Variants in AGAP4 observed in about 807,000 individuals in gnomAD.
AGAP4 encodes the protein ArfGAP with GTPase domain, ankyrin repeat and PH domain 4.
A neutral mutation model predicts 60.7 loss-of-function variants in AGAP4; 13 were observed. The ratio of observed to expected loss-of-function variants is 0.21; its 90% CI spans 0.14 to 0.34. AGAP4 has a LOEUF of 0.34. Ranked by LOEUF, AGAP4 falls within the 10% of genes least tolerant of loss-of-function variation. The probability of loss-of-function intolerance (pLI) is 1.00; values close to 1 mark genes in which losing one functional copy is unlikely to be tolerated. For missense variants in AGAP4, 169 were observed against 884.0 expected (o/e 0.19, Z 10.26); for synonymous variants, 70 against 339.0 (o/e 0.21, Z 8.72).
At chr10:45,854,610 G>A (rs1377088426), upstream of AGAP4, 1 of 136,860 alleles carries the variant, frequency 7.3e-6, no homozygotes, top group Non-Finnish European at 1.5e-5. Context: ...CTCCAGCATG[G>A]GCGACAGAGT....
upstream of AGAP4, chr10:45,849,019 A>T (rs1322084805): frequency 6.7e-6 from 1 of 149,434 alleles, no homozygotes; most frequent in African/African-American, 2.5e-5. Flanking sequence ...TGAGGTCAGG[A>T]GTTTGAGACC....
chr10:45,853,912 T>C, upstream of AGAP4: 1 of 1,186,054 alleles, frequency 8.4e-7, no homozygotes, highest in Non-Finnish European at 1.1e-6. Flanking sequence ...CAGGCAGCAG[T>C]AGTTGTTATC....
upstream of AGAP4, among the ~76,000 whole-genome samples, chr10:45,850,770 GC>G (rs1426369166): frequency 6.6e-6 from 1 of 151,970 alleles, no homozygotes; most frequent in Admixed American, 6.6e-5. Context: ...ATGTAGCAGT[GC>G]CTTCCTCCTG....
chr10:45,832,366 A>G (rs2058748041), intron 5 of AGAP4, among the ~76,000 whole-genome samples: 1 of 149,906 alleles, frequency 6.7e-6, no homozygotes, highest in African/African-American at 2.5e-5. Context: ...ACCAAATTGG[A>G]GCAGTTTCTC....
chr10:45,834,981 G>C (rs1366502528), intron 4 of AGAP4, among the ~76,000 whole-genome samples: 1 of 146,474 alleles, frequency 6.8e-6, no homozygotes, highest in Non-Finnish European at 1.5e-5. Context: ...CACCGTGTTA[G>C]CCAGGATGGT....
rs2058725965 is a variant in AGAP4 at position 45,831,141 on chromosome 10, T to TC, written c.533+252_533+253insG. Among the ~76,000 whole-genome samples, 3 of 100,618 alleles carry TC rather than the reference T, an allele frequency of 3.0e-5. 1 individual carries two copies. Among genetic ancestry groups the TC allele is most frequent in the Admixed American group, 8.8e-5 (1 of 11,342 alleles). 66.0% of individuals were successfully genotyped at this position (100,618 alleles called of 152,430 possible). A position where few individuals can be genotyped will look rare whatever the true frequency, so the allele number is the denominator to read the frequency against. On this transcript the variant is annotated intron_variant, in intron 6 of 7. Coordinates refer to ENST00000616763, the MANE Select transcript of AGAP4 (RefSeq NM_001276343.3). ...TGAAATCGAAACTAAAAATAGATTT[T>TC]GAAAAAATTTCAATTGTATAATTCT...
upstream of AGAP4, chr10:45,848,013 C>G (rs546771206): frequency 6.9e-5 from 69 of 1,003,580 alleles, 1 homozygote; most frequent in African/African-American, 1.1e-3. Flanking sequence ...GAGTTCTATA[C>G]AAAGCCTCAG....
At chr10:45,852,737 G>A (rs2135980422) in intron 1 of AGAP4, among the ~76,000 whole-genome samples, 1 of 152,104 alleles carries the variant, frequency 6.6e-6, no homozygotes, top group South Asian at 2.1e-4. Flanking sequence ...ATTCAAGAAA[G>A]CTCAGTTTCA....
chr10:45,839,978 G>C (rs879976515), intron 4 of AGAP4, among the ~76,000 whole-genome samples: 2 of 150,320 alleles, frequency 1.3e-5, no homozygotes, highest in South Asian at 4.2e-4. Flanking sequence ...CAATGCAGGC[G>C]TACTGGTCTA....
At chr10:45,841,104 A>AT (rs782328893) in intron 4 of AGAP4, among the ~76,000 whole-genome samples, 2,671 of 69,852 alleles carry the variant, frequency 0.038, 548 homozygotes, top group Middle Eastern at 0.051. Context: ...ATTTAAGGCA[A>AT]TTTTTTTTTT....
At chr10:45,852,866 A>C (rs1349662977) in intron 1 of AGAP4, among the ~76,000 whole-genome samples, 119 of 151,990 alleles carry the variant, frequency 7.8e-4, no homozygotes, top group Non-Finnish European at 1.4e-3. Flanking sequence ...ACTTGAGATG[A>C]TGTCTATTTA....
upstream of AGAP4, chr10:45,848,036 A>C (rs4042868): frequency 0.37 from 266,123 of 717,160 alleles, 80,842 homozygotes; most frequent in South Asian, 0.62. Flanking sequence ...GAGTGGGTCC[A>C]ATTAGCAACC....
chr10:45,852,873 T>C (rs1236407619), intron 1 of AGAP4, among the ~76,000 whole-genome samples: 1 of 151,830 alleles, frequency 6.6e-6, no homozygotes, highest in Non-Finnish European at 1.5e-5. Context: ...ATGATGTCTA[T>C]TTAAAGTTAC....
At chr10:45,830,072 G>C (rs2058706640) in intron 6 of AGAP4, among the ~76,000 whole-genome samples, 1 of 148,306 alleles carries the variant, frequency 6.7e-6, no homozygotes, top group African/African-American at 2.4e-5. Context: ...CACTTGTGAA[G>C]TTTTGATTTA....
At chr10:45,838,369 T>C (rs1436454279) in intron 4 of AGAP4, among the ~76,000 whole-genome samples, 4 of 151,996 alleles carry the variant, frequency 2.6e-5, no homozygotes, top group South Asian at 4.1e-4. Flanking sequence ...CGGGTGCACC[T>C]AAATCTCACA....
upstream of AGAP4, among the ~76,000 whole-genome samples, chr10:45,851,241 C>T (rs1375516089): frequency 0.011 from 1,638 of 152,038 alleles, 42 homozygotes; most frequent in African/African-American, 0.037. Flanking sequence ...GTGATTTGCA[C>T]GGCATTAAGT....
At chr10:45,828,657 T>TCCAGAA in intron 6 of AGAP4, among the ~76,000 whole-genome samples, 1 of 142,424 alleles carries the variant, frequency 7.0e-6, no homozygotes, top group South Asian at 2.4e-4. Context: ...GAAGACCCCT[T>TCCAGAA]CCAGAAGGCC....
intron 6 of AGAP4, among the ~76,000 whole-genome samples, chr10:45,830,235 A>C (rs2058709777): frequency 2.1e-5 from 3 of 142,430 alleles, no homozygotes; most frequent in Non-Finnish European, 4.6e-5. Flanking sequence ...TGCAATGGCG[A>C]GATCTCGGCT....
chr10:45,844,033 T>C (rs2058961758), intron 3 of AGAP4, among the ~76,000 whole-genome samples: 1 of 150,468 alleles, frequency 6.6e-6, no homozygotes, highest in South Asian at 2.1e-4. Flanking sequence ...ATCCATTAAT[T>C]ATAAATAAAG....
Sources: gnomAD v4.1 joint callset for allele counts (sites outside exome capture counted in the v4.1 genomes callset) on GRCh38, gnomAD v4.1.1 for gene constraint, MANE v1.5 for transcripts, NCBI Gene and HGNC (gene_info 2026-07-23, HGNC 2026-07-21) for gene names.